Variants in RAB39A observed in about 807,000 individuals in gnomAD.
The protein encoded by RAB39A is RAB39A, member RAS oncogene family.
In RAB39A, 17 loss-of-function variants were observed where a neutral mutation model predicts 20.9. The ratio of observed to expected loss-of-function variants is 0.81; its 90% CI spans 0.56 to 1.22. The LOEUF is 1.22. Ranked by LOEUF, RAB39A falls within the 50% of genes most tolerant of loss-of-function variation. The pLI is 0.00. For synonymous variants in RAB39A, 99 were observed against 103.4 expected, an observed-to-expected ratio of 0.96 and a Z score of 0.26; for missense variants, 234 against 270.5, an observed-to-expected ratio of 0.87 and a Z score of 0.95.
In RAB39A at chr11:107,955,612, G is replaced by C. The variant is rs532383091; in HGVS notation, c.228-6334G>C. ...CTAGCACTTTGGGAGGCCGAGGCAG[G>C]CGGATCACCTGAGGTTGGGAGGTCG... On this transcript the variant is annotated intron_variant, in intron 1 of 1. Transcript: ENST00000320578. 1.7e-4 allele frequency among the ~76,000 whole-genome samples: 26 copies of C among 152,274 alleles called. No homozygotes were observed. In the East Asian group the frequency reaches 4.8e-3, roughly 28 times the overall value.
intron 1 of RAB39A, among the ~76,000 whole-genome samples, chr11:107,946,246 A>C (rs1345861316): frequency 6.8e-6 from 1 of 147,774 alleles, no homozygotes; most frequent in African/African-American, 2.5e-5. Flanking sequence ...CAAAAAAAAA[A>C]ACCTGTCCTT....
Position 107,952,594 on chromosome 11 carries a change from AAAG to A in RAB39A, c.228-9348_228-9346del, listed in dbSNP as rs566161088. On this transcript the variant is annotated intron_variant, in intron 1 of 1. Transcript: ENST00000320578. ...GCAACTCTGTCTCAAAAATAAAAAT[AAAG>A]AAGGCCAGGTGCTGTGACTCACACC... Among the ~76,000 whole-genome samples, 1,512 of 151,700 alleles carry A rather than the reference AAAG, an allele frequency of 1.0e-2. 17 individuals carry two copies. Among genetic ancestry groups the A allele is most frequent in the Middle Eastern group, 0.042 (12 of 288 alleles).
intron 1 of RAB39A, among the ~76,000 whole-genome samples, chr11:107,945,892 T>C (rs978273822): frequency 1.3e-5 from 2 of 152,164 alleles, no homozygotes; most frequent in African/African-American, 2.4e-5. Context: ...GTGAATGTTG[T>C]TATGTTGGAT....
chr11:107,937,582 C>A (rs1032301753), intron 1 of RAB39A, among the ~76,000 whole-genome samples: 3 of 151,078 alleles, frequency 2.0e-5, no homozygotes, highest in Non-Finnish European at 4.4e-5. Flanking sequence ...GTCGCCCAGG[C>A]TGGAGTGCAG....
chr11:107,946,455 TATATA>T (rs1193102229), intron 1 of RAB39A, among the ~76,000 whole-genome samples: 1,148 of 60,816 alleles, frequency 0.019, 76 homozygotes, highest in Non-Finnish European at 0.03. Flanking sequence ...TATATATATA[TATATA>T]TTTTTTTTTT....
At chr11:107,948,261 A>T (rs563553797) in intron 1 of RAB39A, among the ~76,000 whole-genome samples, 1 of 152,354 alleles carries the variant, frequency 6.6e-6, no homozygotes, top group African/African-American at 2.4e-5. Context: ...AGATTGAATT[A>T]TTGAGAAGTA....
intron 1 of RAB39A, among the ~76,000 whole-genome samples, chr11:107,933,359 C>CTT: frequency 7.5e-6 from 1 of 134,226 alleles, no homozygotes; most frequent in African/African-American, 2.8e-5. Context: ...GTATTTCTTT[C>CTT]CTTCTTTTTT....
chr11:107,933,316 TG>T (rs1861157537), intron 1 of RAB39A, among the ~76,000 whole-genome samples: 1 of 318 alleles, frequency 3.1e-3, no homozygotes, highest in Non-Finnish European at 0.01. Flanking sequence ...TATATATATG[TG>T]TGTGTGTGTG....
At chr11:107,934,369 G>T (rs1591240747) in intron 1 of RAB39A, among the ~76,000 whole-genome samples, 1 of 152,224 alleles carries the variant, frequency 6.6e-6, no homozygotes, top group East Asian at 1.9e-4. Flanking sequence ...AGGAGGTCGA[G>T]GCTTCTGTGA....
intron 1 of RAB39A, among the ~76,000 whole-genome samples, chr11:107,946,460 A>T (rs12808175): frequency 0.18 from 2,778 of 15,616 alleles, 403 homozygotes; most frequent in Middle Eastern, 0.38. Context: ...ATATATATAT[A>T]TTTTTTTTTT....
At chr11:107,930,013 T>A (rs1861120397) in intron 1 of RAB39A, among the ~76,000 whole-genome samples, 1 of 152,158 alleles carries the variant, frequency 6.6e-6, no homozygotes, top group African/African-American at 2.4e-5. Context: ...GCGAATGAGA[T>A]CAGCCTACAT....
At chr11:107,948,604 G>T (rs1861342652) in intron 1 of RAB39A, among the ~76,000 whole-genome samples, 1 of 152,002 alleles carries the variant, frequency 6.6e-6, no homozygotes, top group African/African-American at 2.4e-5. Context: ...GGGCTCAGGT[G>T]ATTCTCCCAC....
At chr11:107,931,211 G>A (rs1380433443) in intron 1 of RAB39A, among the ~76,000 whole-genome samples, 1 of 151,956 alleles carries the variant, frequency 6.6e-6, no homozygotes, top group Non-Finnish European at 1.5e-5. Context: ...TCCCGACCTC[G>A]GGTGATCCAC....
Position 107,962,041 on chromosome 11 carries a change from TA to T in RAB39A, c.324del (p.Glu109LysfsTer16). 1 of 1,614,134 alleles carries T rather than the reference TA, an allele frequency of 6.2e-7. No homozygotes were observed. The highest frequency in any genetic ancestry group is 8.5e-7 in the Non-Finnish European group (1 of 1,179,990). ...TCTTTTGAACATGTGAAAGATTGGC[TA>T]GAAGAAGCAAAAATGTATGTACAGC... is the stretch of plus-strand genomic sequence containing the variant. ...RRSFEHVKDW[L>X]EEAKMYVQPF... On this transcript the variant is annotated frameshift_variant, in exon 2 of 2. Coordinates refer to ENST00000320578, the MANE Select transcript of RAB39A (RefSeq NM_017516.3). LOFTEE classifies it high-confidence loss of function.
chr11:107,959,870 G>GTCTCA (rs1309020796), intron 1 of RAB39A, among the ~76,000 whole-genome samples: 1 of 152,152 alleles, frequency 6.6e-6, no homozygotes, highest in African/African-American at 2.4e-5. Context: ...GAGACTCATG[G>GTCTCA]GATCTCTGGT....
intron 1 of RAB39A, among the ~76,000 whole-genome samples, chr11:107,934,788 G>A (rs1465925599): frequency 6.6e-6 from 1 of 152,074 alleles, no homozygotes; most frequent in East Asian, 1.9e-4. Flanking sequence ...AATTAGCCAG[G>A]CGTGGTGGCA....
intron 1 of RAB39A, among the ~76,000 whole-genome samples, chr11:107,929,052 GGGT>G (rs1371216951): frequency 6.6e-6 from 1 of 151,392 alleles, no homozygotes; most frequent in African/African-American, 2.4e-5. Flanking sequence ...GCCTGAACCG[GGGT>G]CGTCCTCGCC....
intron 1 of RAB39A, among the ~76,000 whole-genome samples, chr11:107,933,946 G>A (rs1376799274): frequency 3.9e-5 from 6 of 151,902 alleles, no homozygotes; most frequent in Admixed American, 6.6e-5. Flanking sequence ...GTAAGCCACC[G>A]CACCCAGCCT....
intron 1 of RAB39A, among the ~76,000 whole-genome samples, chr11:107,946,396 ATGTGTGTGTG>A (rs71047654): frequency 0.016 from 592 of 37,576 alleles, 16 homozygotes; most frequent in Middle Eastern, 0.043. Context: ...GGGTGTATAT[ATGTGTGTGTG>A]TGTGTGTGTG....
Sources: gnomAD v4.1 joint callset for allele counts (sites outside exome capture counted in the v4.1 genomes callset) on GRCh38, gnomAD v4.1.1 for gene constraint, MANE v1.5 for transcripts, NCBI Gene and HGNC (gene_info 2026-07-23, HGNC 2026-07-21) for gene names.